The following MTUS2 variants were observed in gnomAD, a reference collection of about 807,000 sequenced individuals.
The protein encoded by MTUS2 is microtubule associated scaffold protein 2.
Under a neutral mutation model 114.1 loss-of-function variants are expected in MTUS2, and 40 were observed. The ratio of observed to expected loss-of-function variants is 0.35; its 90% CI spans 0.27 to 0.46. The LOEUF is 0.46. Among genes scored for constraint, MTUS2 ranks in the 20% least tolerant of loss-of-function variants. The pLI, the probability that MTUS2 is intolerant of heterozygous loss-of-function variation, is 1.00. For missense variants in MTUS2, 1,679 were observed against 1,705.4 expected (o/e 0.98, Z 0.27); for synonymous variants, 688 against 672.0 (o/e 1.02, Z -0.37).
At chr13:29,078,852 T>A (rs896355570) in intron 4 of MTUS2, among the ~76,000 whole-genome samples, 6 of 152,252 alleles carry the variant, frequency 3.9e-5, no homozygotes, top group African/African-American at 1.4e-4. Flanking sequence ...ATATTTGCAT[T>A]CTTTCCAACT....
intron 7 of MTUS2, among the ~76,000 whole-genome samples, chr13:29,346,212 C>G (rs1566144715): frequency 1.3e-5 from 2 of 151,990 alleles, no homozygotes; most frequent in South Asian, 4.2e-4. Context: ...CTAATGCCAC[C>G]TGGGTGGTAA....
At chr13:29,497,412 TC>T in intron 13 of MTUS2, 76 bp downstream of exon 13, 1 of 1,307,644 alleles carries the variant, frequency 7.6e-7, no homozygotes, top group South Asian at 1.3e-5. Context: ...CTCAGCAGTC[TC>T]GTCCCAAGAC....
At chr13:29,429,584 A>G (rs1156379418) in intron 8 of MTUS2, among the ~76,000 whole-genome samples, 6 of 152,214 alleles carry the variant, frequency 3.9e-5, no homozygotes, top group African/African-American at 1.4e-4. Flanking sequence ...TGCTTTTGAC[A>G]TTTGCCTACT....
chr13:29,327,285 G>A (rs561439251), intron 7 of MTUS2, among the ~76,000 whole-genome samples: 1 of 152,140 alleles, frequency 6.6e-6, no homozygotes, highest in African/African-American at 2.4e-5. Context: ...ATAGAACTTG[G>A]TAAGTTTTGC....
chr13:29,060,719 T>G (rs1888375866), intron 4 of MTUS2, among the ~76,000 whole-genome samples: 1 of 151,850 alleles, frequency 6.6e-6, no homozygotes, highest in South Asian at 2.1e-4. Flanking sequence ...GGTTTTAATA[T>G]GCCATCTTGT....
At chr13:29,265,235 A>G (rs1003366601) in intron 5 of MTUS2, among the ~76,000 whole-genome samples, 1 of 152,218 alleles carries the variant, frequency 6.6e-6, no homozygotes, top group Non-Finnish European at 1.5e-5. Flanking sequence ...AGCTCTTTAC[A>G]AAGTTGTAAC....
chr13:29,219,069 C>A (rs1293397738), intron 5 of MTUS2, among the ~76,000 whole-genome samples: 5 of 149,240 alleles, frequency 3.4e-5, no homozygotes, highest in Non-Finnish European at 5.9e-5. Flanking sequence ...TGCGCTGCAC[C>A]CGCTAACTCG....
chr13:28,993,451 T>C (rs1473437352), intron 2 of MTUS2, among the ~76,000 whole-genome samples: 1 of 152,250 alleles, frequency 6.6e-6, no homozygotes, highest in Non-Finnish European at 1.5e-5. Flanking sequence ...ATTGATAGTT[T>C]CTATTGCTGT....
Position 29,503,241 on chromosome 13 carries a change from C to T in MTUS2, c.*35C>T, listed in dbSNP as rs370102317. 17 of 1,607,064 alleles carry T rather than the reference C, an allele frequency of 1.1e-5. No individual in the cohort carries two copies. In the African/African-American group the frequency reaches 1.5e-4, roughly 14 times the overall value. On this transcript the variant is annotated 3_prime_UTR_variant, in exon 16 of 16. Transcript: ENST00000612955. ...ACGGCCTGCGGGAGCTCCGGCTTCT[C>T]GTCCTCCGGTCTCCACCCTGAGGGA...
intron 7 of MTUS2, among the ~76,000 whole-genome samples, chr13:29,327,613 ATTTAC>A (rs1045248269): frequency 5.3e-5 from 8 of 152,100 alleles, no homozygotes; most frequent in African/African-American, 1.7e-4. Flanking sequence ...ATCACTATTT[ATTTAC>A]TTGTTGATGG....
chr13:29,396,609 A>G (rs540564414), intron 8 of MTUS2, among the ~76,000 whole-genome samples: 20 of 152,370 alleles, frequency 1.3e-4, no homozygotes, highest in Admixed American at 5.2e-4. Flanking sequence ...CATTCTTGTC[A>G]TATAGTGTGG....
At chr13:28,830,602 A>G (rs552422126) in intron 1 of MTUS2, among the ~76,000 whole-genome samples, 1 of 152,294 alleles carries the variant, frequency 6.6e-6, no homozygotes, top group South Asian at 2.1e-4. Context: ...ATTATATACT[A>G]TGAGGAACAG....
chr13:29,251,063 TGTAG>T (rs1897107919), intron 5 of MTUS2, among the ~76,000 whole-genome samples: 1 of 152,168 alleles, frequency 6.6e-6, no homozygotes, highest in Admixed American at 6.5e-5. Context: ...GAGTTCAAAG[TGTAG>T]AAAAAGAAGA....
intron 5 of MTUS2, among the ~76,000 whole-genome samples, chr13:29,236,020 C>G (rs1896522672): frequency 6.6e-6 from 1 of 152,170 alleles, no homozygotes; most frequent in Admixed American, 6.5e-5. Context: ...TCTTCCCCTC[C>G]TATATCCAGT....
intron 7 of MTUS2, among the ~76,000 whole-genome samples, chr13:29,354,586 A>G (rs1358819076): frequency 6.6e-6 from 1 of 152,210 alleles, no homozygotes; most frequent in African/African-American, 2.4e-5. Flanking sequence ...ACATCAAAAT[A>G]AAAAAGAATC....
chr13:29,230,727 G>A lies in MTUS2; in HGVS notation c.2645-50977G>A, dbSNP rs547894629. On this transcript the variant is annotated intron_variant, in intron 5 of 15. Transcript: ENST00000612955. ...TTAAGGCTTCAACTTCACAATTTCA[G>A]GACTAGAGTGCAGGCCTTTATTTTT... 2.0e-5 allele frequency among the ~76,000 whole-genome samples: 3 copies of A among 152,304 alleles called. No individual in the cohort carries two copies. The East Asian group carries it at 5.8e-4, about 29-fold the overall frequency.
At chr13:29,125,641 A>AACATGTAGAT (rs370174181) in intron 5 of MTUS2, among the ~76,000 whole-genome samples, 2,974 of 152,302 alleles carry the variant, frequency 0.02, 107 homozygotes, top group African/African-American at 0.068. Flanking sequence ...GCCCAGAGGC[A>AACATGTAGAT]ACCTGCCGCA....
chr13:29,345,911 T>G (rs999603877), intron 7 of MTUS2, among the ~76,000 whole-genome samples: 15 of 151,920 alleles, frequency 9.9e-5, no homozygotes, highest in African/African-American at 2.7e-4. Flanking sequence ...CGAACTGTAG[T>G]TATTGTTATA....
chr13:29,452,574 ATGTGTG>A (rs56367128), intron 9 of MTUS2, among the ~76,000 whole-genome samples: 254 of 130,134 alleles, frequency 2.0e-3, no homozygotes, highest in Admixed American at 3.5e-3. Context: ...ATATATATAT[ATGTGTG>A]TGTGTGTGTG....
Sources: gnomAD v4.1 joint callset for allele counts (sites outside exome capture counted in the v4.1 genomes callset) on GRCh38, gnomAD v4.1.1 for gene constraint, MANE v1.5 for transcripts, NCBI Gene and HGNC (gene_info 2026-07-23, HGNC 2026-07-21) for gene names.